The following MAP2 variants were observed in gnomAD, a reference collection of about 807,000 sequenced individuals.
The protein encoded by MAP2 is microtubule associated protein 2.
A neutral mutation model predicts 137.6 loss-of-function variants in MAP2; 14 were observed. The observed-to-expected ratio is 0.10, with a 90% CI of 0.07 to 0.16. The LOEUF (loss-of-function observed/expected upper bound fraction) is 0.16, where lower values mean the gene tolerates loss of function less well. Ranked by LOEUF, MAP2 falls within the 10% of genes least tolerant of loss-of-function variation. MAP2 has a pLI of 1.00. For synonymous variants in MAP2, 786 were observed against 782.3 expected, an observed-to-expected ratio of 1.00 and a Z score of -0.08; for missense variants, 2,088 against 2,191.5, an observed-to-expected ratio of 0.95 and a Z score of 0.94.
At position 209,696,138 on chromosome 2, in the gene MAP2, C is replaced by T. The variant is rs1405877838; in HGVS notation, c.3968C>T (p.Pro1323Leu). 8.7e-6 allele frequency: 14 copies of T among 1,612,842 alleles called. No homozygotes were observed. Among genetic ancestry groups the T allele is most frequent in the Non-Finnish European group, 1.2e-5 (14 of 1,179,526 alleles). ...ALEQPEVERRPSPHDEEEFEV... is the reference protein window; with the variant it reads ...ALEQPEVERRLSPHDEEEFEV... ...GAGCAGCCTGAGGTGGAAAGGAGAC[C>T]ATCTCCTCATGATGAAGAAGAGTTT... The change falls in exon 8 of 16, where the codon CCA becomes CTA. Residue 1323 changes from proline to leucine, a missense_variant. Around this residue, in one of 6 missense-constraint regions of MAP2, gnomAD observed 591 missense variants for 642.6 expected, o/e 0.92. Coordinates refer to ENST00000682079, the MANE Select transcript of MAP2 (RefSeq NM_001375505.1).
intron 4 of MAP2, among the ~76,000 whole-genome samples, chr2:209,640,172 T>A (rs1254728745): frequency 5.3e-5 from 8 of 152,062 alleles, no homozygotes; most frequent in Non-Finnish European, 1.2e-4. Flanking sequence ...TGGCAAGAGA[T>A]GTTGACGTAC....
chr2:209,451,215 T>C (rs1024794500), intron 1 of MAP2, among the ~76,000 whole-genome samples: 1 of 152,178 alleles, frequency 6.6e-6, no homozygotes, highest in Non-Finnish European at 1.5e-5. Context: ...AAAGATAATC[T>C]TCATTTGCTC....
intron 2 of MAP2, among the ~76,000 whole-genome samples, chr2:209,560,245 T>C (rs781037861): frequency 2.0e-5 from 3 of 152,234 alleles, no homozygotes; most frequent in Non-Finnish European, 4.4e-5. Flanking sequence ...TATTTTGTGA[T>C]ACATTGAAAT....
chr2:209,669,664 A>G (rs576023905), intron 5 of MAP2, among the ~76,000 whole-genome samples: 4 of 151,974 alleles, frequency 2.6e-5, no homozygotes, highest in Non-Finnish European at 5.9e-5. Flanking sequence ...TGATTTCTCC[A>G]TAAGAAACCC....
At chr2:209,680,484 A>G (rs1484068202) in intron 6 of MAP2, among the ~76,000 whole-genome samples, 1 of 152,174 alleles carries the variant, frequency 6.6e-6, no homozygotes, top group Admixed American at 6.6e-5. Context: ...TAATGATGGA[A>G]TTTTAGCAGG....
intron 3 of MAP2, among the ~76,000 whole-genome samples, chr2:209,624,078 T>TA (rs2091830234): frequency 1.3e-5 from 2 of 152,192 alleles, no homozygotes; most frequent in South Asian, 2.1e-4. Context: ...ACATTGGTCC[T>TA]TAGAGGTTCA....
chr2:209,448,805 C>A (rs1699686646), intron 1 of MAP2, among the ~76,000 whole-genome samples: 1 of 152,100 alleles, frequency 6.6e-6, no homozygotes, highest in Non-Finnish European at 1.5e-5. Flanking sequence ...ATCTCAAGAT[C>A]TTTAATTTAT....
intron 1 of MAP2, among the ~76,000 whole-genome samples, chr2:209,481,160 T>C (rs956530547): frequency 1.3e-5 from 2 of 152,226 alleles, no homozygotes; most frequent in Non-Finnish European, 2.9e-5. Context: ...TACTGAATGT[T>C]TCCTGGGATA....
chr2:209,694,761 T>G lies in MAP2; in HGVS notation c.2591T>G (p.Leu864Arg), dbSNP rs1387257356. 1.2e-6 allele frequency: 2 copies of G among 1,614,162 alleles called. No individual in the cohort carries two copies. The highest frequency in any genetic ancestry group is 1.7e-5 in the Admixed American group (1 of 60,010). Residue 864 changes from leucine (L) to arginine (R), a missense_variant, in exon 8 of 16, where the codon CTC becomes CGC. Coordinates refer to ENST00000682079, the MANE Select transcript of MAP2 (RefSeq NM_001375505.1). ...GTCATTGTAAAAACGGACAGTCAGC[T>G]CGAAGACCTGGGCTACTGTGTGTTC... ...NHVIVKTDSQLEDLGYCVFNK... is the reference protein window; with the variant it reads ...NHVIVKTDSQREDLGYCVFNK...
chr2:209,634,142 C>G (rs1466082383), intron 4 of MAP2, among the ~76,000 whole-genome samples: 1 of 152,164 alleles, frequency 6.6e-6, no homozygotes, highest in East Asian at 1.9e-4. Flanking sequence ...TCTCTCACTT[C>G]TCCCACTCCA....
rs1286103137 is a variant in MAP2 at position 209,593,634 on chromosome 2, A to AAAAAAAAT, written c.-107+13535_-107+13536insAAAAAATA. On this transcript the variant is annotated intron_variant, in intron 3 of 15. Transcript: ENST00000682079. ...CCTGTCTCTACAAAAAAAAAAAAAA[A>AAAAAAAAT]ATATATATATATATATATATATATA... Among the ~76,000 whole-genome samples, 18 of 33,642 alleles carry AAAAAAAAT rather than the reference A, an allele frequency of 5.4e-4. 1 individual carries two copies. The highest frequency in any genetic ancestry group is 8.3e-4 in the Non-Finnish European group (17 of 20,364). 22.1% of individuals were successfully genotyped at this position (33,642 alleles called of 152,430 possible).
At chr2:209,583,177 C>CTATCTATCTATCTATG (rs1177705111) in intron 3 of MAP2, among the ~76,000 whole-genome samples, 1 of 151,716 alleles carries the variant, frequency 6.6e-6, no homozygotes, top group East Asian at 1.9e-4. Context: ...ATCTATCTAT[C>CTATCTATCTATCTATG]TATCTATCTG....
chr2:209,490,498 G>A (rs2058945058), intron 1 of MAP2, among the ~76,000 whole-genome samples: 1 of 147,842 alleles, frequency 6.8e-6, no homozygotes. Context: ...GGTTAAAAGA[G>A]TCAAGACCCG....
At chr2:209,568,996 G>A (rs1480544402) in intron 2 of MAP2, among the ~76,000 whole-genome samples, 1 of 151,562 alleles carries the variant, frequency 6.6e-6, no homozygotes, top group African/African-American at 2.4e-5. Flanking sequence ...TTATATGTAA[G>A]ATAAAAATAA....
chr2:209,530,214 G>A (rs903192090), intron 2 of MAP2, among the ~76,000 whole-genome samples: 1 of 151,874 alleles, frequency 6.6e-6, no homozygotes. Flanking sequence ...GCAGAGATGG[G>A]CATGACCTCT....
chr2:209,557,400 C>T (rs77572675), intron 2 of MAP2, among the ~76,000 whole-genome samples: 2,997 of 152,254 alleles, frequency 0.02, 96 homozygotes, highest in African/African-American at 0.068. Context: ...TGGAGGTAGA[C>T]AGCAGGAAAA....
At chr2:209,592,857 G>A (rs559921640) in intron 3 of MAP2, among the ~76,000 whole-genome samples, 2 of 151,994 alleles carry the variant, frequency 1.3e-5, no homozygotes, top group East Asian at 1.9e-4. Flanking sequence ...TGCTATTCTC[G>A]CCTCTGTTCT....
At chr2:209,655,059 G>C (rs1196490240) in intron 5 of MAP2, among the ~76,000 whole-genome samples, 1 of 152,134 alleles carries the variant, frequency 6.6e-6, no homozygotes, top group East Asian at 1.9e-4. Context: ...TCTGTTCAGT[G>C]GTCTTAAGTA....
At chr2:209,621,983 A>T (rs2091315835) in intron 3 of MAP2, among the ~76,000 whole-genome samples, 1 of 152,186 alleles carries the variant, frequency 6.6e-6, no homozygotes, top group African/African-American at 2.4e-5. Flanking sequence ...TTACTTTGTG[A>T]TGCCAGTGTG....
Sources: gnomAD v4.1 joint callset for allele counts (sites outside exome capture counted in the v4.1 genomes callset) on GRCh38, gnomAD v4.1.1 for gene constraint, gnomAD v4.1.1 regional missense constraint, MANE v1.5 for transcripts, NCBI Gene and HGNC (gene_info 2026-07-23, HGNC 2026-07-21) for gene names.